RIMS2: variants seen among roughly 807,000 people sequenced by gnomAD.
RIMS2 encodes the protein regulating synaptic membrane exocytosis 2.
Under a neutral mutation model 174.4 loss-of-function variants are expected in RIMS2, and 59 were observed. That is an observed-to-expected ratio of 0.34 (90% CI 0.27 to 0.42). The LOEUF is 0.42. RIMS2 is among the 10% of genes least tolerant of loss of function. The pLI, the probability that RIMS2 is intolerant of heterozygous loss-of-function variation, is 1.00. For missense variants in RIMS2, 1,620 were observed against 1,666.3 expected, an observed-to-expected ratio of 0.97 and a Z score of 0.48; for synonymous variants, 606 against 572.5, an observed-to-expected ratio of 1.06 and a Z score of -0.84.
At chr8:104,021,165 C>G (rs944381127) in intron 19 of RIMS2, among the ~76,000 whole-genome samples, 5 of 151,988 alleles carry the variant, frequency 3.3e-5, no homozygotes, top group Non-Finnish European at 7.4e-5. Flanking sequence ...CTGTCTTCAT[C>G]TTTTATAAAG....
chr8:103,513,291 A>G (rs1827448846), intron 1 of RIMS2, among the ~76,000 whole-genome samples: 1 of 152,196 alleles, frequency 6.6e-6, no homozygotes, highest in Admixed American at 6.5e-5. Flanking sequence ...ATATTTGGAT[A>G]ATAGTCCTGG....
chr8:104,033,005 G>C (rs2096433834), intron 19 of RIMS2, among the ~76,000 whole-genome samples: 1 of 151,882 alleles, frequency 6.6e-6, no homozygotes. Context: ...GTGCTATTAA[G>C]GAGAATAGGA....
intron 19 of RIMS2, among the ~76,000 whole-genome samples, chr8:104,156,442 G>A (rs1293796585): frequency 6.6e-6 from 1 of 152,088 alleles, no homozygotes; most frequent in Admixed American, 6.5e-5. Context: ...AGAGCAAACA[G>A]GTTTGATAAG....
intron 8 of RIMS2, 150 bp from the exon 12 acceptor site, chr8:103,918,291 T>G (rs2076974996): frequency 2.0e-6 from 1 of 499,566 alleles, no homozygotes; most frequent in Non-Finnish European, 3.6e-6. Context: ...TACTAAGGCT[T>G]GTTTGTTTCT....
intron 1 of RIMS2, among the ~76,000 whole-genome samples, chr8:103,632,731 A>ATTTT (rs61579273): frequency 0.036 from 2,546 of 70,404 alleles, 244 homozygotes; most frequent in African/African-American, 0.081. Context: ...ATATTTATTG[A>ATTTT]TTTTTTTTTT....
In RIMS2 at chr8:103,945,553, A is replaced by T. The variant is rs185923765; in HGVS notation, c.2701+2627A>T. Among the ~76,000 whole-genome samples the T allele has an allele frequency of 2.0e-4, 30 of 152,240 alleles. No individual in the cohort carries two copies. In the East Asian group the frequency reaches 4.4e-3, roughly 23 times the overall value. On this transcript the variant is annotated intron_variant, in intron 14 of 23. Coordinates refer to ENST00000504942, the Ensembl canonical transcript of RIMS2. ...AGACATCTTCAACAAACTATTAATA[A>T]ATCGAATCCAACAGTGTATACAAAA...
At position 103,525,509 on chromosome 8, in the gene RIMS2, C is replaced by T. The variant is rs982024473; in HGVS notation, c.176+24447C>T. Reference sequence around the variant, plus strand: ...TCACATTACATGGAAAGAGGCAGTCCGGCCTAGCTTGGGTTAGTTACCAAC... The same window carrying T: ...TCACATTACATGGAAAGAGGCAGTCTGGCCTAGCTTGGGTTAGTTACCAAC... On this transcript the variant is annotated intron_variant, in intron 1 of 23. Transcript: ENST00000504942. Among the ~76,000 whole-genome samples, 6 of 152,082 alleles carry T rather than the reference C, an allele frequency of 3.9e-5. No homozygotes were observed. In the South Asian group the frequency reaches 8.3e-4, roughly 21 times the overall value.
chr8:103,543,768 G>C (rs1405230473), intron 1 of RIMS2, among the ~76,000 whole-genome samples: 1 of 152,174 alleles, frequency 6.6e-6, no homozygotes, highest in Admixed American at 6.5e-5. Context: ...TTCAATAAAT[G>C]GTGTTGGGGA....
At chr8:103,936,362 T>C (rs2081253125) in intron 12 of RIMS2, among the ~76,000 whole-genome samples, 189 bp from the exon 15 acceptor site, 1 of 152,198 alleles carries the variant, frequency 6.6e-6, no homozygotes, top group Non-Finnish European at 1.5e-5. Flanking sequence ...TTGTCATACC[T>C]ATAAAGTGTG....
intron 19 of RIMS2, among the ~76,000 whole-genome samples, chr8:104,069,311 C>T (rs1280121996): frequency 6.6e-6 from 1 of 152,074 alleles, no homozygotes; most frequent in African/African-American, 2.4e-5. Context: ...GGGACATAAG[C>T]CCGTCATGAA....
intron 2 of RIMS2, among the ~76,000 whole-genome samples, chr8:103,717,420 G>A (rs1204814079): frequency 1.3e-5 from 2 of 151,786 alleles, no homozygotes; most frequent in African/African-American, 4.8e-5. Flanking sequence ...CTTGATCTGG[G>A]ACAGGTTCCC....
At chr8:104,213,888 A>AAAGAAGAAG (rs762065499) in intron 19 of RIMS2, among the ~76,000 whole-genome samples, 12 of 148,108 alleles carry the variant, frequency 8.1e-5, no homozygotes, top group Non-Finnish European at 1.3e-4. Context: ...AAAAAAAAAA[A>AAAGAAGAAG]AAGAAGAAGA....
chr8:104,019,501 C>G (rs1246128462), intron 19 of RIMS2, among the ~76,000 whole-genome samples: 1 of 152,040 alleles, frequency 6.6e-6, no homozygotes, highest in African/African-American at 2.4e-5. Context: ...TGGAAGCATT[C>G]TCTCAATGGA....
chr8:103,562,026 G>GC (rs2091667510), intron 1 of RIMS2, among the ~76,000 whole-genome samples: 1 of 152,156 alleles, frequency 6.6e-6, no homozygotes. Context: ...GGAAAGACCT[G>GC]CCCCCATTAT....
intron 3 of RIMS2, among the ~76,000 whole-genome samples, chr8:103,837,355 A>T (rs573092564): frequency 1.3e-5 from 2 of 152,344 alleles, no homozygotes; most frequent in South Asian, 4.1e-4. Context: ...TTAGCTGGGG[A>T]CAGCTCTCAG....
At chr8:103,827,160 A>C (rs1251451494) in intron 3 of RIMS2, among the ~76,000 whole-genome samples, 1 of 152,126 alleles carries the variant, frequency 6.6e-6, no homozygotes, top group African/African-American at 2.4e-5. Flanking sequence ...AGTGTTTTAT[A>C]GTTTTTAGAG....
chr8:103,573,302 G>T (rs7827973), intron 1 of RIMS2, among the ~76,000 whole-genome samples: 27,619 of 151,660 alleles, frequency 0.18, 2,753 homozygotes, highest in African/African-American at 0.26. Flanking sequence ...GACCTCAAGT[G>T]ATCCACCTGT....
At chr8:103,715,241 T>C (rs2097353815) in intron 2 of RIMS2, among the ~76,000 whole-genome samples, 1 of 152,172 alleles carries the variant, frequency 6.6e-6, no homozygotes, top group Non-Finnish European at 1.5e-5. Context: ...CCATGGTGGT[T>C]TGCTGCACCT....
At chr8:103,590,248 G>C (rs921797443) in intron 1 of RIMS2, among the ~76,000 whole-genome samples, 2 of 150,996 alleles carry the variant, frequency 1.3e-5, no homozygotes, top group Non-Finnish European at 3.0e-5. Flanking sequence ...AAACAAAAAA[G>C]AGAAAAACCT....
Sources: gnomAD v4.1 joint callset for allele counts (sites outside exome capture counted in the v4.1 genomes callset) on GRCh38, gnomAD v4.1.1 for gene constraint, MANE v1.5 for transcripts, NCBI Gene and HGNC (gene_info 2026-07-23, HGNC 2026-07-21) for gene names.